Variants in OTOGL observed in about 807,000 individuals in gnomAD.
OTOGL encodes the protein otogelin like, also known as otogelin-like protein.
A neutral mutation model predicts 318.5 loss-of-function variants in OTOGL; 285 were observed. That is an observed-to-expected ratio of 0.89 (90% CI 0.81 to 0.99). The LOEUF is 0.99. OTOGL is among the 50% of genes least tolerant of loss of function. OTOGL has a pLI of 0.00. For missense variants in OTOGL, 2,899 were observed against 2,845.6 expected, an observed-to-expected ratio of 1.02 and a Z score of -0.43; for synonymous variants, 987 against 936.5, an observed-to-expected ratio of 1.05 and a Z score of -0.99.
intron 57 of OTOGL, among the ~76,000 whole-genome samples, chr12:80,374,113 A>G (rs891194848): frequency 1.3e-5 from 2 of 152,158 alleles, no homozygotes; most frequent in Non-Finnish European, 2.9e-5. Context: ...ATTTATGGAG[A>G]TTAGGACTCC....
intron 7 of OTOGL, among the ~76,000 whole-genome samples, chr12:80,225,788 A>G (rs1403446301): frequency 6.6e-6 from 1 of 152,126 alleles, no homozygotes; most frequent in Admixed American, 6.6e-5. Context: ...GATGTCCTAT[A>G]TTGGAAATTT....
chr12:80,268,772 C>G (rs1883192773), intron 22 of OTOGL, among the ~76,000 whole-genome samples: 1 of 152,054 alleles, frequency 6.6e-6, no homozygotes, highest in African/African-American at 2.4e-5. Context: ...CTTTAGCAAT[C>G]AGTGTGTCTC....
intron 45 of OTOGL, among the ~76,000 whole-genome samples, chr12:80,352,959 G>A (rs1020505487): frequency 6.6e-6 from 1 of 152,106 alleles, no homozygotes; most frequent in Non-Finnish European, 1.5e-5. Context: ...TATACTGAAA[G>A]TGTATTTTGG....
At position 80,377,931 on chromosome 12, in the gene OTOGL, G is replaced by A. The variant is rs1201042976; in HGVS notation, c.6945G>A (p.Lys2315=). 19 of 1,610,742 alleles carry A rather than the reference G, an allele frequency of 1.2e-5. No individual in the cohort carries two copies. The highest frequency in any genetic ancestry group is 1.7e-5 in the Admixed American group (1 of 59,602). The change falls in exon 59 of 59, where the codon AAG becomes AAA. Residue 2315 remains lysine, a synonymous_variant. Coordinates refer to ENST00000547103, the MANE Select transcript of OTOGL (RefSeq NM_001378609.3). Reference sequence around the variant, plus strand: ...TTGAAAGTCACCTAAGATTCTGCAAGTGTTGTCGTGAAAATGGAGTACGAA... The same window carrying A: ...TTGAAAGTCACCTAAGATTCTGCAAATGTTGTCGTGAAAATGGAGTACGAA... The part of the protein sequence containing the change: ...INIESHLRFC[K]CCRENGVRNL...
intron 13 of OTOGL, among the ~76,000 whole-genome samples, chr12:80,252,524 G>A (rs1366803902): frequency 6.6e-6 from 1 of 152,130 alleles, no homozygotes; most frequent in Non-Finnish European, 1.5e-5. Context: ...GGAAGTTTGA[G>A]AGAAAGGTTT....
At chr12:80,257,300 A>C in intron 17 of OTOGL, among the ~76,000 whole-genome samples, 1 of 92,062 alleles carries the variant, frequency 1.1e-5, no homozygotes, top group East Asian at 4.9e-4. Flanking sequence ...GGAGGTTTTA[A>C]GGTGAAGTTT....
chr12:80,311,682 C>T (rs1886643053), intron 30 of OTOGL, among the ~76,000 whole-genome samples: 2 of 152,212 alleles, frequency 1.3e-5, no homozygotes, highest in Non-Finnish European at 2.9e-5. Context: ...GCTGGGATTA[C>T]AGGCGTGAAC....
chr12:80,149,857 A>G (rs542591452), intron 1 of OTOGL, among the ~76,000 whole-genome samples: 51 of 152,072 alleles, frequency 3.4e-4, no homozygotes, highest in Non-Finnish European at 5.7e-4. Flanking sequence ...TAGGAAAGGG[A>G]GCTCCCTGAC....
intron 42 of OTOGL, among the ~76,000 whole-genome samples, chr12:80,337,801 C>T (rs1324434945): frequency 6.6e-6 from 1 of 151,776 alleles, no homozygotes; most frequent in Non-Finnish European, 1.5e-5. Context: ...TAAAATGAGC[C>T]TAAAAATGTA....
intron 52 of OTOGL, among the ~76,000 whole-genome samples, chr12:80,366,084 G>A (rs1377259409): frequency 6.6e-6 from 1 of 152,064 alleles, no homozygotes; most frequent in African/African-American, 2.4e-5. Context: ...TAAGAGGCAG[G>A]CTGTATTATT....
rs949180600 is a variant in OTOGL at position 80,378,638 on chromosome 12, A to G, written c.*590A>G. ...TGACTCGTACAAATTTATTCAGTGTAATAATATAGTAAATTCATGTTAACA... is the reference window on the plus strand; with the variant it reads ...TGACTCGTACAAATTTATTCAGTGTGATAATATAGTAAATTCATGTTAACA... On this transcript the variant is annotated 3_prime_UTR_variant, in exon 59 of 59. Transcript: ENST00000547103. The G allele has an allele frequency of 6.6e-6, 1 of 152,344 alleles. No individual in the cohort carries two copies. The highest frequency in any genetic ancestry group is 6.6e-5 in the Admixed American group (1 of 15,264). 9.4% of individuals were successfully genotyped at this position (152,344 alleles called of 1,614,324 possible).
At chr12:80,219,750 C>T in intron 5 of OTOGL, 64 bp from the exon 6 acceptor site, 2 of 1,011,168 alleles carry the variant, frequency 2.0e-6, no homozygotes, top group Non-Finnish European at 3.0e-6. Flanking sequence ...TATATCTTGA[C>T]ATATTATGCT....
intron 1 of OTOGL, among the ~76,000 whole-genome samples, chr12:80,167,405 T>G (rs1043678030): frequency 6.6e-6 from 1 of 152,146 alleles, no homozygotes; most frequent in Non-Finnish European, 1.5e-5. Flanking sequence ...TCAGATTTTA[T>G]TTTTGGAAGA....
In OTOGL at chr12:80,207,568, T is replaced by C. The variant is rs115950696; in HGVS notation, c.-19-1845T>C. ...ACAGTTACTAGATTAGGAAAAATAA[T>C]CCTGAAGTATGATTTATAGATTTTT... is the stretch of plus-strand genomic sequence containing the variant. On this transcript the variant is annotated intron_variant, in intron 1 of 58. Transcript: ENST00000547103. 6.9e-3 allele frequency among the ~76,000 whole-genome samples: 1,049 copies of C among 152,244 alleles called. 10 individuals are homozygous for C. The highest frequency in any genetic ancestry group is 0.024 in the African/African-American group (1,005 of 41,544).
intron 44 of OTOGL, among the ~76,000 whole-genome samples, 152 bp downstream of exon 44, chr12:80,342,314 G>A (rs183060961): frequency 6.6e-6 from 1 of 152,106 alleles, no homozygotes; most frequent in African/African-American, 2.4e-5. Context: ...ATCACTTATT[G>A]TTTACAGGCT....
At chr12:80,190,275 G>C (rs117534551) in intron 1 of OTOGL, among the ~76,000 whole-genome samples, 2,053 of 152,244 alleles carry the variant, frequency 0.013, 26 homozygotes, top group Middle Eastern at 0.082. Context: ...GTAAAACGCA[G>C]ATTTTAATTA....
chr12:80,243,797 T>A (rs1272096679), intron 11 of OTOGL, among the ~76,000 whole-genome samples: 4 of 148,314 alleles, frequency 2.7e-5, no homozygotes, highest in Non-Finnish European at 1.5e-5. Flanking sequence ...ATTTTATATA[T>A]AAAATATATA....
At chr12:80,261,407 A>C (rs1882514267) in intron 18 of OTOGL, among the ~76,000 whole-genome samples, 1 of 152,120 alleles carries the variant, frequency 6.6e-6, no homozygotes, top group African/African-American at 2.4e-5. Context: ...GATGTTTTTC[A>C]TTTGGTTTGC....
chr12:80,129,333 A>C (rs530463080), intron 1 of OTOGL, among the ~76,000 whole-genome samples: 2 of 152,232 alleles, frequency 1.3e-5, no homozygotes, highest in Admixed American at 6.5e-5. Flanking sequence ...AAAGGTGTGA[A>C]TAAGACTTGT....
Sources: gnomAD v4.1 joint callset for allele counts (sites outside exome capture counted in the v4.1 genomes callset) on GRCh38, gnomAD v4.1.1 for gene constraint, MANE v1.5 for transcripts, NCBI Gene and HGNC (gene_info 2026-07-23, HGNC 2026-07-21) for gene names.